Variants in GPC6 observed in about 807,000 individuals in gnomAD.
GPC6 encodes the protein glypican-6.
Under a neutral mutation model 55.2 loss-of-function variants are expected in GPC6, and 14 were observed. The observed-to-expected ratio is 0.25, with a 90% CI of 0.17 to 0.40. GPC6 has a LOEUF of 0.40. GPC6 is among the 10% of genes least tolerant of loss of function. GPC6 has a pLI of 1.00. For synonymous variants in GPC6, 278 were observed against 259.6 expected (o/e 1.07, Z -0.68); for missense variants, 641 against 708.5 (o/e 0.90, Z 1.08).
At chr13:93,829,574 T>A (rs1887402644) in intron 2 of GPC6, among the ~76,000 whole-genome samples, 1 of 152,240 alleles carries the variant, frequency 6.6e-6, no homozygotes, top group South Asian at 2.1e-4. Flanking sequence ...ACCTAAATTA[T>A]GCTCATTATA....
chr13:94,176,682 CCTT>C (rs1248596947), intron 4 of GPC6, among the ~76,000 whole-genome samples: 1 of 152,144 alleles, frequency 6.6e-6, no homozygotes. Context: ...TATGTATTCT[CCTT>C]CTATTAAGTT....
chr13:94,246,599 C>A (rs982500898), intron 4 of GPC6, among the ~76,000 whole-genome samples: 14 of 152,084 alleles, frequency 9.2e-5, no homozygotes, highest in Admixed American at 8.5e-4. Flanking sequence ...TTCCCAGTAT[C>A]ATTTATCAAG....
At chr13:94,169,453 C>T (rs142325263) in intron 4 of GPC6, among the ~76,000 whole-genome samples, 1 of 151,996 alleles carries the variant, frequency 6.6e-6, no homozygotes, top group African/African-American at 2.4e-5. Flanking sequence ...ATGGAGAAAG[C>T]CAATACTAAA....
intron 3 of GPC6, among the ~76,000 whole-genome samples, chr13:93,863,852 T>C (rs953728025): frequency 1.3e-5 from 2 of 151,718 alleles, no homozygotes; most frequent in African/African-American, 2.4e-5. Flanking sequence ...GCATTTGTGT[T>C]GCAAAAAGAT....
chr13:94,273,280 T>G (rs1160837982), intron 4 of GPC6, among the ~76,000 whole-genome samples: 3 of 152,120 alleles, frequency 2.0e-5, no homozygotes, highest in Non-Finnish European at 4.4e-5. Flanking sequence ...CCTCTCTCCA[T>G]GCTGTCTCTC....
chr13:93,331,261 T>C (rs1193175888), intron 1 of GPC6, among the ~76,000 whole-genome samples: 1 of 152,230 alleles, frequency 6.6e-6, no homozygotes, highest in Non-Finnish European at 1.5e-5. Flanking sequence ...TTTAATTATA[T>C]ATCCATCATT....
chr13:93,624,098 G>A (rs1368383684), intron 2 of GPC6, among the ~76,000 whole-genome samples: 1 of 148,546 alleles, frequency 6.7e-6, no homozygotes, highest in Non-Finnish European at 1.5e-5. Context: ...TAGTACTGGA[G>A]TAAAACAAAT....
At chr13:94,268,024 A>G (rs1891871365) in intron 4 of GPC6, among the ~76,000 whole-genome samples, 1 of 152,238 alleles carries the variant, frequency 6.6e-6, no homozygotes, top group African/African-American at 2.4e-5. Context: ...TGGGGTTGCT[A>G]AACTGCAACT....
intron 2 of GPC6, among the ~76,000 whole-genome samples, chr13:93,765,035 G>A (rs575348478): frequency 1.3e-5 from 2 of 152,096 alleles, no homozygotes; most frequent in Admixed American, 1.3e-4. Context: ...TCCTGACCTC[G>A]CGATCCACCC....
intron 2 of GPC6, among the ~76,000 whole-genome samples, chr13:93,819,569 C>T (rs530823276): frequency 6.6e-6 from 1 of 152,194 alleles, no homozygotes; most frequent in Non-Finnish European, 1.5e-5. Context: ...ATTTGCGGGC[C>T]AGGCCCAGAG....
At chr13:94,357,452 G>A (rs1878854182) in intron 6 of GPC6, among the ~76,000 whole-genome samples, 1 of 152,156 alleles carries the variant, frequency 6.6e-6, no homozygotes, top group Non-Finnish European at 1.5e-5. Context: ...ATGCTCCGCG[G>A]GTAATACTTA....
chr13:93,328,179 AACACTT>A (rs1879722526), intron 1 of GPC6, among the ~76,000 whole-genome samples: 1 of 152,154 alleles, frequency 6.6e-6, no homozygotes, highest in South Asian at 2.1e-4. Flanking sequence ...AATTCCCAGG[AACACTT>A]ACATGCATGA....
At chr13:93,394,024 C>T (rs1267716946) in intron 1 of GPC6, among the ~76,000 whole-genome samples, 2 of 152,164 alleles carry the variant, frequency 1.3e-5, no homozygotes, top group Admixed American at 6.6e-5. Flanking sequence ...ATATTAAACT[C>T]ACATTTATGC....
chr13:94,044,172 A>G (rs181342377), intron 4 of GPC6, among the ~76,000 whole-genome samples: 38 of 151,842 alleles, frequency 2.5e-4, no homozygotes, highest in African/African-American at 8.9e-4. Context: ...AGGTTGATCA[A>G]TCTCTTTAGT....
intron 7 of GPC6, among the ~76,000 whole-genome samples, chr13:94,393,509 A>T (rs1313616981): frequency 6.6e-6 from 1 of 152,158 alleles, no homozygotes; most frequent in Non-Finnish European, 1.5e-5. Flanking sequence ...ATTTGAAGAG[A>T]TGTGTATTGA....
At chr13:94,246,885 GT>G (rs1566589193) in intron 4 of GPC6, among the ~76,000 whole-genome samples, 2 of 151,812 alleles carry the variant, frequency 1.3e-5, no homozygotes, top group Non-Finnish European at 2.9e-5. Context: ...TTTTAGGATT[GT>G]TTTTTCTATT....
chr13:93,649,837 G>T (rs1880332632), intron 2 of GPC6, among the ~76,000 whole-genome samples: 4 of 152,068 alleles, frequency 2.6e-5, no homozygotes, highest in Non-Finnish European at 2.9e-5. Context: ...CTGTCATGTG[G>T]CTAAAACACA....
chr13:94,232,486 T>A (rs1446273121), intron 4 of GPC6, among the ~76,000 whole-genome samples: 1 of 152,062 alleles, frequency 6.6e-6, no homozygotes, highest in Non-Finnish European at 1.5e-5. Context: ...ATAGAGGAAA[T>A]CTAAATTTTT....
intron 2 of GPC6, among the ~76,000 whole-genome samples, chr13:93,777,211 G>A (rs899627008): frequency 6.6e-6 from 1 of 152,166 alleles, no homozygotes. Context: ...AGGCGATCAA[G>A]CAAGTTTTAA....
Sources: allele counts gnomAD v4.1 joint callset (sites outside exome capture counted in the v4.1 genomes callset), GRCh38; gene constraint gnomAD v4.1.1; transcripts MANE v1.5; gene names NCBI Gene and HGNC (gene_info 2026-07-23, HGNC 2026-07-21).